NR4A1: variants seen among roughly 807,000 people sequenced by gnomAD.
NR4A1 encodes the protein nuclear receptor subfamily 4 group A member 1, also known as nuclear receptor subfamily 4immunitygroup A member 1.
Under a neutral mutation model 47.5 loss-of-function variants are expected in NR4A1, and 24 were observed. That is an observed-to-expected ratio of 0.50 (90% confidence interval 0.37 to 0.71). The LOEUF (loss-of-function observed/expected upper bound fraction) is 0.71. NR4A1 is among the 30% of genes least tolerant of loss of function. The pLI is 0.00. For missense variants in NR4A1, 669 were observed against 788.6 expected (o/e 0.85, Z 1.82); for synonymous variants, 353 against 345.7 (o/e 1.02, Z -0.24).
chr12:52,047,391 C>T (rs1012661959), upstream of NR4A1, among the ~76,000 whole-genome samples: 1 of 152,256 alleles, frequency 6.6e-6, no homozygotes, highest in Non-Finnish European at 1.5e-5. Flanking sequence ...CCTGGGATCC[C>T]CAAGCCCCTT....
chr12:52,024,009 G>A (rs1414394436), intron 1 of NR4A1, among the ~76,000 whole-genome samples: 2 of 152,230 alleles, frequency 1.3e-5, no homozygotes, highest in Non-Finnish European at 2.9e-5. Flanking sequence ...GTCGGTCCTG[G>A]CCCCAGCCGT....
intron 1 of NR4A1, chr12:52,037,618 A>G (rs1204379853): frequency 2.6e-5 from 26 of 985,258 alleles, no homozygotes; most frequent in African/African-American, 5.2e-5. Context: ...TCAGCCCCCA[A>G]GGGCGACGGC....
At chr12:52,040,064 T>C (rs1305550839) in intron 1 of NR4A1, among the ~76,000 whole-genome samples, 1 of 152,210 alleles carries the variant, frequency 6.6e-6, no homozygotes, top group Admixed American at 6.5e-5. Flanking sequence ...TGGTTTGCTC[T>C]CTGCACAGTG....
exon 2 of NR4A1, chr12:52,041,886 C>CG: frequency 6.5e-7 from 1 of 1,530,052 alleles, no homozygotes; most frequent in East Asian, 2.3e-5. Flanking sequence ...TGAAGGCAGA[C>CG]GGGATAATGT....
chr12:52,036,390 T>C (rs368834443), intron 1 of NR4A1, among the ~76,000 whole-genome samples: 18 of 152,168 alleles, frequency 1.2e-4, no homozygotes, highest in African/African-American at 4.3e-4. Flanking sequence ...CTCCTTTGGA[T>C]TGGGGAGAGC....
chr12:52,032,425 C>G (rs763413550), intron 1 of NR4A1, among the ~76,000 whole-genome samples: 1 of 152,248 alleles, frequency 6.6e-6, no homozygotes, highest in Non-Finnish European at 1.5e-5. Context: ...CTGGGTACTT[C>G]TCAGCGTCCA....
At chr12:52,044,472 G>A (rs1305892971) in intron 2 of NR4A1, among the ~76,000 whole-genome samples, 1 of 152,202 alleles carries the variant, frequency 6.6e-6, no homozygotes, top group Non-Finnish European at 1.5e-5. Flanking sequence ...CGGGACCTGG[G>A]CCAGGGACTC....
At chr12:52,030,962 G>A (rs1274995954) in intron 1 of NR4A1, among the ~76,000 whole-genome samples, 2 of 152,010 alleles carry the variant, frequency 1.3e-5, no homozygotes, top group Non-Finnish European at 2.9e-5. Context: ...TTTCATTACT[G>A]TTTCCTCTCC....
Position 52,039,998 on chromosome 12 carries a change from G to A in NR4A1, c.-83-1812G>A, listed in dbSNP as rs116713607. 9.2e-3 allele frequency among the ~76,000 whole-genome samples: 1,398 copies of A among 152,306 alleles called. 20 individuals carry two copies. Among genetic ancestry groups the A allele is most frequent in the African/African-American group, 0.031 (1,304 of 41,564 alleles). ...GGAGCTGGGGACTGAAGTCTGGCCT[G>A]ATGGTCCACCCCATTTTGGGGGCCA... On this transcript the variant is annotated intron_variant, in intron 1 of 7. Coordinates refer to the NR4A1 transcript ENST00000360284.
intron 1 of NR4A1, among the ~76,000 whole-genome samples, chr12:52,034,433 T>G (rs114297339): frequency 0.033 from 5,091 of 152,358 alleles, 270 homozygotes; most frequent in African/African-American, 0.11. Context: ...CTGGCCATGG[T>G]GGCCTGTCTC....
In NR4A1 at chr12:52,054,599, T is replaced by C. The variant is rs755284803; in HGVS notation, c.271T>C (p.Ser91Pro). The change falls in exon 2 of 7, where the codon TCC becomes CCC. Residue 91 changes from serine to proline, a missense_variant. Coordinates refer to ENST00000394825, the MANE Select transcript of NR4A1 (RefSeq NM_173157.3). ...ASSSASSTSS[S>P]SATSPASASF... is the part of the protein sequence containing the mutation. ...CTCCTCGGCCTCCTCCACATCCTCGTCCTCAGCCACCTCCCCTGCCTCTGC... is the reference window on the plus strand; with the variant it reads ...CTCCTCGGCCTCCTCCACATCCTCGCCCTCAGCCACCTCCCCTGCCTCTGC... 2 of 1,613,958 alleles carry C rather than the reference T, an allele frequency of 1.2e-6. No individual in the cohort carries two copies. The highest frequency in any genetic ancestry group is 1.3e-5 in the African/African-American group (1 of 74,910).
chr12:52,037,305 T>A (rs1382726288), intron 1 of NR4A1: 1 of 925,864 alleles, frequency 1.1e-6, no homozygotes, highest in East Asian at 1.2e-4. Flanking sequence ...GCGGCGGAAC[T>A]GGCGGGGGTC....
chr12:52,055,445 TA>T (rs574061625), intron 2 of NR4A1: 12 of 602,996 alleles, frequency 2.0e-5, no homozygotes, highest in South Asian at 6.1e-5. Flanking sequence ...AGGGGTGAGA[TA>T]GGGGCAGATA....
chr12:52,055,610 G>C (rs1939220207), intron 2 of NR4A1: 1 of 435,286 alleles, frequency 2.3e-6, no homozygotes, highest in African/African-American at 2.0e-5. Flanking sequence ...GGTTCTTGAG[G>C]GCTGGGGGTG....
upstream of NR4A1, among the ~76,000 whole-genome samples, chr12:52,049,227 C>A (rs1019598705): frequency 6.6e-6 from 1 of 152,166 alleles, no homozygotes; most frequent in East Asian, 1.9e-4. Context: ...TACTAAAAGT[C>A]GGCCCTCTGT....
In NR4A1 at chr12:52,054,462, C is replaced by T; in HGVS notation, c.134C>T (p.Ala45Val). ...MDLASPEAAP[A>V]APTALPSFST... ...CTGGCCAGCCCCGAGGCAGCCCCCGCTGCCCCCACTGCCCTGCCCAGCTTC... is the reference window on the plus strand; with the variant it reads ...CTGGCCAGCCCCGAGGCAGCCCCCGTTGCCCCCACTGCCCTGCCCAGCTTC... The change falls in exon 2 of 7, where the codon GCT becomes GTT. Residue 45 changes from alanine (A) to valine (V), a missense_variant. Ala to Val is a moderately conservative substitution (Grantham distance 64, BLOSUM62 0). Coordinates refer to ENST00000394825, the MANE Select transcript of NR4A1 (RefSeq NM_173157.3). 6.2e-7 allele frequency: 1 copy of T among 1,613,800 alleles called. No individual in the cohort carries two copies. Among genetic ancestry groups the T allele is most frequent in the Non-Finnish European group, 8.5e-7 (1 of 1,179,994 alleles).
At position 52,035,253 on chromosome 12, in the gene NR4A1, A is replaced by G. The variant is rs1938211446; in HGVS notation, c.-83-6557A>G. On this transcript the variant is annotated intron_variant, in intron 1 of 7. Coordinates refer to the NR4A1 transcript ENST00000360284. The stretch of plus-strand genomic sequence containing the variant: ...CCACCCAAAGCGTGCGTGTTCTGGC[A>G]TTCCACATTTTAGAATATGTTTTAT... Among the ~76,000 whole-genome samples the G allele has an allele frequency of 1.3e-5, 2 of 152,186 alleles. 1 individual carries two copies. The highest frequency in any genetic ancestry group is 4.1e-4 in the South Asian group (2 of 4,836).
chr12:52,032,092 G>A (rs1343642427), intron 1 of NR4A1, among the ~76,000 whole-genome samples: 1 of 152,174 alleles, frequency 6.6e-6, no homozygotes, highest in Non-Finnish European at 1.5e-5. Flanking sequence ...CACCGTGATG[G>A]TTAATTTTAA....
chr12:52,040,688 G>T (rs967373310), intron 1 of NR4A1, among the ~76,000 whole-genome samples: 12 of 152,154 alleles, frequency 7.9e-5, no homozygotes, highest in Admixed American at 5.2e-4. Flanking sequence ...GGAGAGCCTG[G>T]GTACTGTGGG....
Sources: allele counts gnomAD v4.1 joint callset (sites outside exome capture counted in the v4.1 genomes callset), GRCh38; gene constraint gnomAD v4.1.1; transcripts MANE v1.5; gene names NCBI Gene and HGNC (gene_info 2026-07-23, HGNC 2026-07-21).